Variants in CELF4 observed in about 807,000 individuals in gnomAD.
CELF4 encodes the protein CUG-BP- and ETR-3-like factor 4.
A neutral mutation model predicts 59.9 loss-of-function variants in CELF4; 18 were observed. The observed-to-expected ratio is 0.30, with a 90% CI of 0.21 to 0.45. CELF4 has a LOEUF of 0.45. CELF4 is among the 20% of genes least tolerant of loss of function. CELF4 has a pLI of 1.00. For synonymous variants in CELF4, 261 were observed against 267.1 expected, an observed-to-expected ratio of 0.98 and a Z score of 0.22; for missense variants, 456 against 689.0, an observed-to-expected ratio of 0.66 and a Z score of 3.79.
chr18:37,425,931 C>T (rs1032590900), intron 2 of CELF4, among the ~76,000 whole-genome samples: 2 of 152,188 alleles, frequency 1.3e-5, no homozygotes, highest in African/African-American at 4.8e-5. Flanking sequence ...AGGACATCAG[C>T]CAGGGAGGGA....
chr18:37,562,102 C>T (rs1211743786), intron 1 of CELF4, among the ~76,000 whole-genome samples: 2 of 152,168 alleles, frequency 1.3e-5, no homozygotes, highest in Non-Finnish European at 2.9e-5. Flanking sequence ...AGTAATCACC[C>T]CAGTCCACAA....
At chr18:37,475,346 G>C (rs1301138234) in intron 2 of CELF4, among the ~76,000 whole-genome samples, 5 of 152,214 alleles carry the variant, frequency 3.3e-5, no homozygotes, top group Non-Finnish European at 7.3e-5. Flanking sequence ...GGTGGCTGCT[G>C]TTTGAGTGAC....
At chr18:37,522,674 G>A (rs28636633) in intron 1 of CELF4, among the ~76,000 whole-genome samples, 3,444 of 152,228 alleles carry the variant, frequency 0.023, 125 homozygotes, top group African/African-American at 0.073. Flanking sequence ...TGTTTGAGAC[G>A]AGCTTCAGTG....
intron 2 of CELF4, among the ~76,000 whole-genome samples, chr18:37,417,506 T>C (rs1055776386): frequency 6.6e-6 from 1 of 152,188 alleles, no homozygotes; most frequent in African/African-American, 2.4e-5. Context: ...TACAGCAGAC[T>C]CAATGAAGCC....
chr18:37,442,309 T>C (rs906265985), intron 2 of CELF4, among the ~76,000 whole-genome samples: 6 of 152,108 alleles, frequency 3.9e-5, no homozygotes, highest in African/African-American at 1.2e-4. Context: ...GAAATAAAGA[T>C]GGAAGTTGAG....
intron 2 of CELF4, among the ~76,000 whole-genome samples, chr18:37,357,751 A>C (rs2098623074): frequency 6.6e-6 from 1 of 152,176 alleles, no homozygotes; most frequent in Non-Finnish European, 1.5e-5. Flanking sequence ...GCTGCCCAAG[A>C]CCATGGAAAC....
intron 1 of CELF4, among the ~76,000 whole-genome samples, chr18:37,547,731 C>G (rs2099981922): frequency 6.6e-6 from 1 of 152,160 alleles, no homozygotes; most frequent in African/African-American, 2.4e-5. Context: ...TGTCATCTCT[C>G]TCTCCAAACC....
chr18:37,258,419 A>T (rs2071650433), intron 11 of CELF4, among the ~76,000 whole-genome samples: 1 of 151,940 alleles, frequency 6.6e-6, no homozygotes, highest in Non-Finnish European at 1.5e-5. Flanking sequence ...TTGTGTATTT[A>T]TATCCATCTG....
chr18:37,390,289 C>T lies in CELF4; in HGVS notation c.370-68408G>A, dbSNP rs562062125. Among the ~76,000 whole-genome samples the T allele has an allele frequency of 2.0e-4, 30 of 152,294 alleles. No homozygotes were observed. The Middle Eastern group carries it at 0.01, about 52-fold the overall frequency. Reference sequence around the variant, plus strand: ...CTTCCTCTCGGTTCCAGGACGCCCCCGACAGCTCCCAGAGCCCTGGGGATG... The same window carrying T: ...CTTCCTCTCGGTTCCAGGACGCCCCTGACAGCTCCCAGAGCCCTGGGGATG... On this transcript the variant is annotated intron_variant, in intron 2 of 12. Coordinates refer to ENST00000420428, the MANE Select transcript of CELF4 (RefSeq NM_020180.4).
At position 37,246,737 on chromosome 18, in the gene CELF4, G is replaced by A. The variant is rs1429283874; in HGVS notation, c.*45-1540C>T. Among the ~76,000 whole-genome samples, 2 of 151,922 alleles carry A rather than the reference G, an allele frequency of 1.3e-5. No homozygotes were observed. Among genetic ancestry groups the A allele is most frequent in the African/African-American group, 4.8e-5 (2 of 41,346 alleles). On this transcript the variant is annotated intron_variant, in intron 12 of 12. Coordinates refer to ENST00000420428, the MANE Select transcript of CELF4 (RefSeq NM_020180.4). This position sits in a 1 kb window ranked among gnomAD's most constrained non-coding sequence, Gnocchi z 5.3. ...TTTCAAGTGCAAGTAAATCAACCAC[G>A]CATAGATATTTTTAAGATGTTTTCC...
rs543409984 is a variant in CELF4, at chr18:37,330,818, G to C, written c.370-8937C>G. On this transcript the variant is annotated intron_variant, in intron 2 of 12. Coordinates refer to ENST00000420428, the MANE Select transcript of CELF4 (RefSeq NM_020180.4). ...CGGACAGTCTTGTTTCCAGCCCAGA[G>C]AGAAAGGCCCTTTAATCCTCCCTCC... is the stretch of plus-strand genomic sequence containing the variant. 4.6e-5 allele frequency among the ~76,000 whole-genome samples: 7 copies of C among 152,304 alleles called. No homozygotes were observed. In the South Asian group the frequency reaches 1.5e-3, roughly 32 times the overall value.
chr18:37,492,304 G>A (rs1011662232), intron 1 of CELF4, among the ~76,000 whole-genome samples: 1 of 152,152 alleles, frequency 6.6e-6, no homozygotes, highest in African/African-American at 2.4e-5. Flanking sequence ...ACCTGCCATG[G>A]TGCCTGAAAT....
intron 1 of CELF4, among the ~76,000 whole-genome samples, chr18:37,507,119 G>C (rs1016257295): frequency 2.6e-5 from 4 of 152,162 alleles, no homozygotes; most frequent in Non-Finnish European, 5.9e-5. Context: ...TCCCTACCCT[G>C]CTGGAGAACT....
intron 2 of CELF4, among the ~76,000 whole-genome samples, chr18:37,442,810 G>T (rs2099736506): frequency 6.6e-6 from 1 of 152,196 alleles, no homozygotes; most frequent in African/African-American, 2.4e-5. Flanking sequence ...CCTTGCAATT[G>T]TAGAATTCTC....
At chr18:37,471,174 C>T (rs1251131863) in intron 2 of CELF4, among the ~76,000 whole-genome samples, 1 of 152,104 alleles carries the variant, frequency 6.6e-6, no homozygotes, top group Admixed American at 6.5e-5. Context: ...TGAGTAGCTC[C>T]TGCCAGCCTG....
chr18:37,424,477 T>C (rs764799067), intron 2 of CELF4, among the ~76,000 whole-genome samples: 18 of 152,186 alleles, frequency 1.2e-4, no homozygotes, highest in Non-Finnish European at 2.1e-4. Flanking sequence ...CCGTGTGGCC[T>C]TACAGCCTGC....
chr18:37,282,207 C>T (rs759501341), intron 3 of CELF4, among the ~76,000 whole-genome samples: 1 of 152,040 alleles, frequency 6.6e-6, no homozygotes, highest in South Asian at 2.1e-4. Flanking sequence ...GAGGGTGATG[C>T]CCACTCCCAC....
chr18:37,544,230 C>T (rs929849879), intron 1 of CELF4, among the ~76,000 whole-genome samples: 1 of 151,398 alleles, frequency 6.6e-6, no homozygotes, highest in African/African-American at 2.4e-5. Context: ...GTCAGATGCT[C>T]CACCGAAATC....
chr18:37,341,992 G>A (rs543370064), intron 2 of CELF4, among the ~76,000 whole-genome samples: 4 of 152,222 alleles, frequency 2.6e-5, no homozygotes, highest in African/African-American at 9.6e-5. Flanking sequence ...ATGGATGTCT[G>A]CAGGTTGCAT....
Sources: gnomAD v4.1 joint callset for allele counts (sites outside exome capture counted in the v4.1 genomes callset) on GRCh38, gnomAD v4.1.1 for gene constraint, Gnocchi (gnomAD v3.1) non-coding constraint, MANE v1.5 for transcripts, NCBI Gene and HGNC (gene_info 2026-07-23, HGNC 2026-07-21) for gene names.